TACR3: variants seen among roughly 807,000 people sequenced by gnomAD.
The protein encoded by TACR3 is tachykinin receptor 3.
A neutral mutation model predicts 35.0 loss-of-function variants in TACR3; 34 were observed. That is an observed-to-expected ratio of 0.97 (90% CI 0.74 to 1.30). The LOEUF (loss-of-function observed/expected upper bound fraction) is 1.30, where lower values mean the gene tolerates loss of function less well. Among genes scored for constraint, TACR3 ranks in the 50% most tolerant of loss-of-function variants. The probability of loss-of-function intolerance (pLI) is 0.00; values close to 1 mark genes in which losing one functional copy is unlikely to be tolerated. For synonymous variants in TACR3, 233 were observed against 221.1 expected, an observed-to-expected ratio of 1.05 and a Z score of -0.48; for missense variants, 558 against 591.7, an observed-to-expected ratio of 0.94 and a Z score of 0.59.
intron 3 of TACR3, among the ~76,000 whole-genome samples, chr4:103,639,572 C>G (rs1308763206): frequency 6.6e-6 from 1 of 151,438 alleles, no homozygotes; most frequent in Admixed American, 6.6e-5. Flanking sequence ...GCACATGTAC[C>G]CTAAAACTTA....
intron 1 of TACR3, among the ~76,000 whole-genome samples, chr4:103,704,649 C>A (rs1365107864): frequency 2.0e-5 from 3 of 152,128 alleles, no homozygotes; most frequent in Non-Finnish European, 4.4e-5. Flanking sequence ...GCCCCATAAT[C>A]CAATCACCTC....
chr4:103,642,941 C>T (rs1344211308), intron 3 of TACR3, among the ~76,000 whole-genome samples: 1 of 151,702 alleles, frequency 6.6e-6, no homozygotes, highest in Non-Finnish European at 1.5e-5. Context: ...AAAATATGTA[C>T]AATAATTATG....
At chr4:103,629,851 A>AAAC (rs1725008906) in intron 3 of TACR3, among the ~76,000 whole-genome samples, 5 of 79,514 alleles carry the variant, frequency 6.3e-5, no homozygotes, top group South Asian at 3.7e-4. Context: ...TAAGCAAAAC[A>AAAC]AAAAAAAAAC....
chr4:103,629,045 A>C (rs1342600836), intron 3 of TACR3, among the ~76,000 whole-genome samples: 2 of 152,176 alleles, frequency 1.3e-5, no homozygotes, highest in African/African-American at 4.8e-5. Flanking sequence ...AAACCACATG[A>C]TTATCTCAAC....
At chr4:103,689,262 A>C (rs1339184887) in intron 1 of TACR3, among the ~76,000 whole-genome samples, 1 of 42,698 alleles carries the variant, frequency 2.3e-5, no homozygotes, top group Non-Finnish European at 4.3e-5. Context: ...GGGTCGGGGG[A>C]GGGGGGCGGG....
intron 1 of TACR3, among the ~76,000 whole-genome samples, chr4:103,693,635 C>G (rs1460939902): frequency 1.3e-5 from 2 of 151,972 alleles, no homozygotes; most frequent in Non-Finnish European, 2.9e-5. Flanking sequence ...CATATTGATT[C>G]ATAAGAACTA....
intron 1 of TACR3, among the ~76,000 whole-genome samples, chr4:103,714,898 G>C (rs1333606603): frequency 6.6e-6 from 1 of 151,998 alleles, no homozygotes; most frequent in Non-Finnish European, 1.5e-5. Context: ...ATTTTCAAAA[G>C]CTCTTCCTAG....
rs190738723 is a variant in TACR3 at position 103,668,333 on chromosome 4, C to A, written c.549-9930G>T. ...CATTATGTCTAAAAAATGTACATAGCTTAATTAAAAATTACTTACTGATAA... is the reference window on the plus strand; with the variant it reads ...CATTATGTCTAAAAAATGTACATAGATTAATTAAAAATTACTTACTGATAA... On this transcript the variant is annotated intron_variant, in intron 1 of 4. Coordinates refer to ENST00000304883, the MANE Select transcript of TACR3 (RefSeq NM_001059.3). Among the ~76,000 whole-genome samples, 22 of 152,216 alleles carry A rather than the reference C, an allele frequency of 1.4e-4. No individual in the cohort carries two copies. In the East Asian group the frequency reaches 3.7e-3, roughly 25 times the overall value.
chr4:103,688,000 C>T (rs961468779), intron 1 of TACR3, among the ~76,000 whole-genome samples: 4 of 152,190 alleles, frequency 2.6e-5, no homozygotes, highest in African/African-American at 7.2e-5. Context: ...TCAAACTATA[C>T]TACAAGGCTA....
intron 3 of TACR3, among the ~76,000 whole-genome samples, chr4:103,630,108 A>C (rs1003020518): frequency 2.6e-5 from 4 of 152,298 alleles, no homozygotes; most frequent in East Asian, 3.9e-4. Flanking sequence ...CCTATTTAAT[A>C]AATGGTGCTG....
At chr4:103,681,788 G>A (rs1722096283) in intron 1 of TACR3, among the ~76,000 whole-genome samples, 1 of 152,056 alleles carries the variant, frequency 6.6e-6, no homozygotes, top group Non-Finnish European at 1.5e-5. Flanking sequence ...GGAGCACTGA[G>A]TCAAACAAGA....
intron 3 of TACR3, among the ~76,000 whole-genome samples, chr4:103,605,819 T>C (rs1011317681): frequency 1.3e-5 from 2 of 152,158 alleles, no homozygotes; most frequent in Admixed American, 6.5e-5. Flanking sequence ...GCAGAAGCTC[T>C]TTAGTTTAAT....
chr4:103,625,742 C>A (rs1475042229), intron 3 of TACR3, among the ~76,000 whole-genome samples: 1 of 152,228 alleles, frequency 6.6e-6, no homozygotes, highest in South Asian at 2.1e-4. Flanking sequence ...CTTTAAATAA[C>A]CTCTGTGTTA....
chr4:103,719,481 G>C lies in TACR3; in HGVS notation c.195C>G (p.Pro65=). The change falls in exon 1 of 5, where the codon CCC becomes CCG. Residue 65 remains proline (P), a synonymous_variant. Coordinates refer to ENST00000304883, the MANE Select transcript of TACR3 (RefSeq NM_001059.3). ...PSALGLPVAS[P]APSQPWANLT... is the part of the protein sequence containing the mutation. ...GGTTGGCCCAGGGCTGGGAGGGCGC[G>C]GGGGAAGCCACAGGCAGTCCCAGCG... 1.2e-6 allele frequency: 2 copies of C among 1,613,282 alleles called. No homozygotes were observed. Among genetic ancestry groups the C allele is most frequent in the Non-Finnish European group, 1.7e-6 (2 of 1,179,256 alleles).
chr4:103,651,144 G>A (rs1725611491), intron 3 of TACR3, among the ~76,000 whole-genome samples: 1 of 149,828 alleles, frequency 6.7e-6, no homozygotes, highest in Admixed American at 6.8e-5. Context: ...CTTCAGGGTG[G>A]TAAGTTCTCC....
chr4:103,629,073 T>C (rs141345389), intron 3 of TACR3, among the ~76,000 whole-genome samples: 16,961 of 152,134 alleles, frequency 0.11, 982 homozygotes, highest in African/African-American at 0.13. Flanking sequence ...CAAAAGGCCT[T>C]TGACAAAATT....
chr4:103,679,912 T>G (rs747229091), intron 1 of TACR3, among the ~76,000 whole-genome samples: 1 of 151,834 alleles, frequency 6.6e-6, no homozygotes, highest in Non-Finnish European at 1.5e-5. Context: ...CAAGCTCTAT[T>G]ATATATATAT....
intron 1 of TACR3, among the ~76,000 whole-genome samples, chr4:103,678,379 T>A (rs1459622933): frequency 6.6e-6 from 1 of 152,116 alleles, no homozygotes; most frequent in Admixed American, 6.6e-5. Flanking sequence ...GTTGTGAAGA[T>A]GGAAATATCT....
chr4:103,662,572 G>A (rs1443853629), intron 1 of TACR3, among the ~76,000 whole-genome samples: 1 of 151,990 alleles, frequency 6.6e-6, no homozygotes, highest in Non-Finnish European at 1.5e-5. Context: ...GATATATTGA[G>A]GACCCAACAC....
Sources: allele counts gnomAD v4.1 joint callset (sites outside exome capture counted in the v4.1 genomes callset), GRCh38; gene constraint gnomAD v4.1.1; transcripts MANE v1.5; gene names NCBI Gene and HGNC (gene_info 2026-07-23, HGNC 2026-07-21).